BTN3A3: variants seen among roughly 807,000 people sequenced by gnomAD.
BTN3A3 encodes the protein butyrophilin subfamily 3 member A3.
A neutral mutation model predicts 43.2 loss-of-function variants in BTN3A3; 39 were observed. The observed-to-expected ratio is 0.90, with a 90% CI of 0.70 to 1.18. The LOEUF (loss-of-function observed/expected upper bound fraction) is 1.18, where lower values mean the gene tolerates loss of function less well. BTN3A3 is among the 50% of genes most tolerant of loss of function. BTN3A3 has a pLI of 0.00. For synonymous variants in BTN3A3, 255 were observed against 272.7 expected, an observed-to-expected ratio of 0.93 and a Z score of 0.64; for missense variants, 631 against 722.8, an observed-to-expected ratio of 0.87 and a Z score of 1.46.
Position 26,452,579 on chromosome 6 carries a change from CAG to C in BTN3A3, c.*172_*173del, listed in dbSNP as rs1372112520. On this transcript the variant is annotated 3_prime_UTR_variant, in exon 11 of 11. Coordinates refer to ENST00000244519, the MANE Select transcript of BTN3A3 (RefSeq NM_006994.5). Reference sequence around the variant, plus strand: ...TCTAAACAGCAATAACTAACATTAACAGAGAATTTAAAATGTTCTTAGTGCTG... The same window carrying C: ...TCTAAACAGCAATAACTAACATTAACAGAATTTAAAATGTTCTTAGTGCTG... The C allele has an allele frequency of 2.1e-5, 13 of 628,880 alleles. No homozygotes were observed. Among genetic ancestry groups the C allele is most frequent in the African/African-American group, 2.0e-4 (11 of 54,456 alleles). The allele number at this position is 628,880 out of a possible 1,614,324, so 39.0% of individuals were successfully genotyped here.
chr6:26,448,566 C>T (rs1320633245), intron 6 of BTN3A3, 51 bp from the exon 7 acceptor site: 1 of 1,613,344 alleles, frequency 6.2e-7, no homozygotes, highest in Non-Finnish European at 8.5e-7. Flanking sequence ...CCAAAACCCC[C>T]CTTACCCATA....
In BTN3A3 at chr6:26,453,345, C is replaced by T. The variant is rs984170518; in HGVS notation, c.*934C>T. On this transcript the variant is annotated 3_prime_UTR_variant, in exon 11 of 11. Transcript: ENST00000244519. The stretch of plus-strand genomic sequence containing the variant: ...CATTATCATCACTATTATTGCTCAC[C>T]ACTGTATCCCCTCTACTTGGCAAGT... 3 of 152,116 alleles carry T rather than the reference C, an allele frequency of 2.0e-5. No homozygotes were observed. The highest frequency in any genetic ancestry group is 7.2e-5 in the African/African-American group (3 of 41,408). The allele number at this position is 152,116 out of a possible 1,614,324, so 9.4% of individuals were successfully genotyped here.
At position 26,448,711 on chromosome 6, in the gene BTN3A3, T is replaced by G; in HGVS notation, c.938-17T>G. 2 of 1,614,060 alleles carry G rather than the reference T, an allele frequency of 1.2e-6. No homozygotes were observed. The highest frequency in any genetic ancestry group is 1.7e-6 in the Non-Finnish European group (2 of 1,179,986). The stretch of plus-strand genomic sequence containing the variant: ...TTTGAGCACCTTGATAACCCTTCCC[T>G]ATTCATTCCATTGCAGAGTGGAGGA... On this transcript the variant is annotated splice_polypyrimidine_tract_variant and intron_variant, in intron 7 of 10. Coordinates refer to ENST00000244519, the MANE Select transcript of BTN3A3 (RefSeq NM_006994.5).
rs1762769486 is a variant in BTN3A3 at position 26,445,992 on chromosome 6, A to G, written c.715+7A>G. On this transcript the variant is annotated splice_region_variant and intron_variant, in intron 5 of 10. Coordinates refer to ENST00000244519, the MANE Select transcript of BTN3A3 (RefSeq NM_006994.5). ...GCCAGCATATCCATCGCAGGTCAGT[A>G]CCCTGCTTGGCCTCAGCTTTACTGA... The G allele has an allele frequency of 1.9e-6, 3 of 1,613,764 alleles. No homozygotes were observed. Among genetic ancestry groups the G allele is most frequent in the Non-Finnish European group, 8.5e-7 (1 of 1,179,808 alleles).
At chr6:26,441,183 G>T (rs1762626112) in intron 1 of BTN3A3, among the ~76,000 whole-genome samples, 3 of 152,166 alleles carry the variant, frequency 2.0e-5, no homozygotes, top group Non-Finnish European at 4.4e-5. Context: ...TATCATAAAA[G>T]AGATTTCTAT....
At position 26,448,384 on chromosome 6, in the gene BTN3A3, A is replaced by G. The variant is rs765278522; in HGVS notation, c.852A>G (p.Thr284=). The G allele has an allele frequency of 2.5e-6, 4 of 1,614,020 alleles. No homozygotes were observed. Among genetic ancestry groups the G allele is most frequent in the South Asian group, 1.1e-5 (1 of 91,072 alleles). ...AAAAAATTGCTCTGTCCAGGGAGAC[A>G]GAAAGAGAGCGAGAGATGAAAGAAA... The part of the protein sequence containing the change: ...QKEKIALSRE[T]EREREMKEMG... Residue 284 remains threonine (T), a synonymous_variant, in exon 6 of 11, where the codon ACA becomes ACG. Coordinates refer to ENST00000244519, the MANE Select transcript of BTN3A3 (RefSeq NM_006994.5).
chr6:26,452,660 G>T lies in BTN3A3; in HGVS notation c.*249G>T. On this transcript the variant is annotated 3_prime_UTR_variant, in exon 11 of 11. Coordinates refer to ENST00000244519, the MANE Select transcript of BTN3A3 (RefSeq NM_006994.5). ...TTTAATCCTCACAACACCCTGTCGG[G>T]TAGTCATATTTTGCAAGTATGGAAG... 1 of 434,752 alleles carries T rather than the reference G, an allele frequency of 2.3e-6. No individual in the cohort carries two copies. Among genetic ancestry groups the T allele is most frequent in the Non-Finnish European group, 4.1e-6 (1 of 245,724 alleles). 26.9% of individuals were successfully genotyped at this position (434,752 alleles called of 1,614,324 possible). A position where few individuals can be genotyped will look rare whatever the true frequency, so the allele number is the denominator to read the frequency against.
intron 1 of BTN3A3, among the ~76,000 whole-genome samples, chr6:26,440,943 A>G (rs1204110479): frequency 6.6e-6 from 1 of 152,348 alleles, no homozygotes; most frequent in East Asian, 1.9e-4. Flanking sequence ...AAATGAAGAA[A>G]TATTCCAACT....
rs1225082329 is a variant in BTN3A3 at position 26,450,084 on chromosome 6, T to C, written c.992-23T>C. 8.7e-6 allele frequency: 14 copies of C among 1,612,392 alleles called. No individual in the cohort carries two copies. In the East Asian group the frequency reaches 3.1e-4, roughly 36 times the overall value. ...AGAACAAAAATACTGACCTTTTTCTTATCTGTGTCTCCTTCCTTTCAGAAT... is the reference window on the plus strand; with the variant it reads ...AGAACAAAAATACTGACCTTTTTCTCATCTGTGTCTCCTTCCTTTCAGAAT... On this transcript the variant is annotated intron_variant, in intron 9 of 10. Transcript: ENST00000244519.
chr6:26,443,457 G>T lies in BTN3A3; in HGVS notation c.-6+15G>T. On this transcript the variant is annotated intron_variant, in intron 2 of 10. Transcript: ENST00000244519. ...TTTTGGCAGAGGTAAGATCTTCTTT[G>T]GTCACCATACTTGAGTTAGCCCTGG... is the stretch of plus-strand genomic sequence containing the variant. 3 of 1,539,942 alleles carry T rather than the reference G, an allele frequency of 1.9e-6. No homozygotes were observed. The highest frequency in any genetic ancestry group is 2.6e-6 in the Non-Finnish European group (3 of 1,142,344).
In BTN3A3 at chr6:26,440,509, T is replaced by G. The variant is rs1762595859; in HGVS notation, c.-206T>G. 6.6e-6 allele frequency: 1 copy of G among 152,266 alleles called. No individual in the cohort carries two copies. Among genetic ancestry groups the G allele is most frequent in the Non-Finnish European group, 1.5e-5 (1 of 68,050 alleles). 9.4% of individuals were successfully genotyped at this position (152,266 alleles called of 1,614,324 possible). On this transcript the variant is annotated 5_prime_UTR_variant, in exon 1 of 11. It adds an upstream start codon to the 5' untranslated region. Transcript: ENST00000244519. ...AATTCTTCCAAAAAGAGATTGTTAT[T>G]ATTCCTCACAATAACCAGATAGCCT...
chr6:26,449,074 A>G (rs1477067106), intron 8 of BTN3A3, among the ~76,000 whole-genome samples: 4 of 152,144 alleles, frequency 2.6e-5, no homozygotes, highest in Non-Finnish European at 4.4e-5. Flanking sequence ...GATGAGGTGC[A>G]TTTTCTGTGG....
Position 26,451,892 on chromosome 6 carries a change from T to C in BTN3A3, c.1236T>C (p.Cys412=). 4 of 1,614,038 alleles carry C rather than the reference T, an allele frequency of 2.5e-6. No individual in the cohort carries two copies. Among genetic ancestry groups the C allele is most frequent in the Non-Finnish European group, 3.4e-6 (4 of 1,180,000 alleles). ...GDRKEWHIGV[C]SKNVERKKGW... is the part of the protein sequence containing the mutation. The stretch of plus-strand genomic sequence containing the variant: ...GAAAAGAGTGGCATATTGGGGTATG[T>C]AGTAAGAACGTGGAGAGGAAAAAAG... Residue 412 remains cysteine, a synonymous_variant, in exon 11 of 11, where the codon TGT becomes TGC. Transcript: ENST00000244519.
At position 26,448,371 on chromosome 6, in the gene BTN3A3, T is replaced by G; in HGVS notation, c.839T>G (p.Leu280Arg). The stretch of plus-strand genomic sequence containing the variant: ...AGACAACAGAAGGAAAAAATTGCTC[T>G]GTCCAGGGAGACAGAAAGAGAGCGA... ...LWRQQKEKIA[L>R]SRETEREREM... Residue 280 changes from leucine to arginine, a missense_variant, in exon 6 of 11, where the codon CTG (leucine) becomes CGG (arginine). Transcript: ENST00000244519. 6.2e-7 allele frequency: 1 copy of G among 1,613,872 alleles called. No homozygotes were observed. The highest frequency in any genetic ancestry group is 8.5e-7 in the Non-Finnish European group (1 of 1,179,944).
At position 26,445,642 on chromosome 6, in the gene BTN3A3, C is replaced by T. The variant is rs1179331781; in HGVS notation, c.434-62C>T. On this transcript the variant is annotated intron_variant, in intron 4 of 10. Coordinates refer to ENST00000244519, the MANE Select transcript of BTN3A3 (RefSeq NM_006994.5). ...TCAAATGTGAGTCTGCCATTGATTC[C>T]CATTGAGACCCTCCCTGATACAGGA... The T allele has an allele frequency of 3.9e-6, 6 of 1,544,960 alleles. No individual in the cohort carries two copies. The African/African-American group carries it at 6.8e-5, about 18-fold the overall frequency.
intron 1 of BTN3A3, among the ~76,000 whole-genome samples, chr6:26,441,499 T>C (rs1417915535): frequency 6.6e-6 from 1 of 150,496 alleles, no homozygotes; most frequent in African/African-American, 2.4e-5. Context: ...ATTTCTGTCT[T>C]TTTTTTTTGC....
At chr6:26,441,429 A>G (rs974688770) in intron 1 of BTN3A3, among the ~76,000 whole-genome samples, 1 of 151,552 alleles carries the variant, frequency 6.6e-6, no homozygotes, top group Admixed American at 6.6e-5. Context: ...AATTATCTAC[A>G]TTTGGCTACT....
At position 26,448,343 on chromosome 6, in the gene BTN3A3, T is replaced by G. The variant is rs768739996; in HGVS notation, c.811T>G (p.Trp271Gly). 18 of 1,613,258 alleles carry G rather than the reference T, an allele frequency of 1.1e-5. No individual in the cohort carries two copies. Among genetic ancestry groups the G allele is most frequent in the Non-Finnish European group, 1.1e-5 (13 of 1,179,872 alleles). Residue 271 changes from tryptophan to glycine, a missense_variant, in exon 6 of 11, where the codon TGG becomes GGG. Coordinates refer to ENST00000244519, the MANE Select transcript of BTN3A3 (RefSeq NM_006994.5). ...LLLAGASYFL[W>G]RQQKEKIALS... is the part of the protein sequence containing the mutation. ...TCTCGCAGGAGCCAGTTACTTCTTGTGGAGACAACAGAAGGAAAAAATTGC... is the reference window on the plus strand; with the variant it reads ...TCTCGCAGGAGCCAGTTACTTCTTGGGGAGACAACAGAAGGAAAAAATTGC...
rs1055018769 is a variant in BTN3A3 at position 26,445,957 on chromosome 6, G to C, written c.687G>C (p.Leu229=). The C allele has an allele frequency of 5.4e-5, 87 of 1,614,052 alleles. No individual in the cohort carries two copies. Among genetic ancestry groups the C allele is most frequent in the Non-Finnish European group, 7.3e-5 (86 of 1,180,034 alleles). The change falls in exon 5 of 11, where the codon CTG becomes CTC. Residue 229 remains leucine, a synonymous_variant. Coordinates refer to ENST00000244519, the MANE Select transcript of BTN3A3 (RefSeq NM_006994.5). Reference sequence around the variant, plus strand: ...TCATCAGAAATTCCCTCCTCGGCCTGGAAAAGACAGCCAGCATATCCATCG... The same window carrying C: ...TCATCAGAAATTCCCTCCTCGGCCTCGAAAAGACAGCCAGCATATCCATCG... The part of the protein sequence containing the change: ...SCIIRNSLLG[L]EKTASISIAD...
Sources: gnomAD v4.1 joint callset for allele counts (sites outside exome capture counted in the v4.1 genomes callset) on GRCh38, gnomAD v4.1.1 for gene constraint, MANE v1.5 for transcripts, NCBI Gene and HGNC (gene_info 2026-07-23, HGNC 2026-07-21) for gene names.